The following RNF215 variants were observed in gnomAD, a reference collection of about 807,000 sequenced individuals.
The protein encoded by RNF215 is ring finger protein 215.
RNF215 carries 41 observed loss-of-function variants against 44.8 expected under a neutral mutation model. The observed-to-expected ratio is 0.92, with a 90% CI of 0.71 to 1.19. The LOEUF is 1.19. Ranked by LOEUF, RNF215 falls within the 50% of genes most tolerant of loss-of-function variation. The pLI, the probability that RNF215 is intolerant of heterozygous loss-of-function variation, is 0.00. For synonymous variants in RNF215, 218 were observed against 230.1 expected (o/e 0.95, Z 0.48); for missense variants, 452 against 496.2 (o/e 0.91, Z 0.85).
In RNF215 at chr22:30,381,642, G is replaced by A. The variant is rs989739755; in HGVS notation, c.745-1241C>T. 3.9e-5 allele frequency among the ~76,000 whole-genome samples: 6 copies of A among 152,202 alleles called. No homozygotes were observed. The South Asian group carries it at 6.2e-4, about 16-fold the overall frequency. The stretch of plus-strand genomic sequence containing the variant: ...TCTGCCATCGTGTTCTTCCCCGACC[G>A]ATGCTGAAGCTCATCTACCGTCATG... On this transcript the variant is annotated intron_variant, in intron 5 of 8. Transcript: ENST00000382363.
At chr22:30,386,285 G>A (rs1720815193) in intron 2 of RNF215, 144 bp from the exon 3 acceptor site, 1 of 788,822 alleles carries the variant, frequency 1.3e-6, no homozygotes. Context: ...TGAGGTCAAA[G>A]GTGGAAACTG....
At chr22:30,381,842 TC>T (rs1933533601) in intron 5 of RNF215, among the ~76,000 whole-genome samples, 1 of 152,178 alleles carries the variant, frequency 6.6e-6, no homozygotes, top group African/African-American at 2.4e-5. Flanking sequence ...TCTTCTCTCC[TC>T]CAGCTGCAGC....
chr22:30,380,480 CAG>C lies in RNF215; in HGVS notation c.745-81_745-80del. The C allele has an allele frequency of 6.6e-7, 1 of 1,507,108 alleles. No homozygotes were observed. Among genetic ancestry groups the C allele is most frequent in the Non-Finnish European group, 8.9e-7 (1 of 1,125,140 alleles). 93.4% of individuals were successfully genotyped at this position (1,507,108 alleles called of 1,614,324 possible). A position where few individuals can be genotyped will look rare whatever the true frequency, so the allele number is the denominator to read the frequency against. Reference sequence around the variant, plus strand: ...TAGGAACATCTACCCCCAGGAACGCCAGGGAGCAGGCAGGTGAGGTATGCTGA... The same window carrying C: ...TAGGAACATCTACCCCCAGGAACGCCGGAGCAGGCAGGTGAGGTATGCTGA... On this transcript the variant is annotated intron_variant, in intron 5 of 8. Coordinates refer to ENST00000382363, the MANE Select transcript of RNF215 (RefSeq NM_001017981.2). This position sits in a 1 kb window ranked among gnomAD's most constrained non-coding sequence, Gnocchi z 5.3.
chr22:30,385,283 A>G (rs890849612), intron 4 of RNF215, among the ~76,000 whole-genome samples: 1 of 151,784 alleles, frequency 6.6e-6, no homozygotes, highest in Non-Finnish European at 1.5e-5. Flanking sequence ...TTAGCCGGGC[A>G]TGGTGGTGGG....
Position 30,380,174 on chromosome 22 carries a change from C to G in RNF215, c.896G>C (p.Arg299Thr). The G allele has an allele frequency of 6.2e-7, 1 of 1,613,890 alleles. No individual in the cohort carries two copies. The highest frequency in any genetic ancestry group is 2.2e-5 in the East Asian group (1 of 44,872). ...VDLFKRRVVR[R>T]LASLKTRRCR... ...GCGCCGTGTCTTGAGGGATGCCAGT[C>G]TCCGCACCACGCGGCGCTTAAACAG... Residue 299 changes from arginine to threonine, a missense_variant, in exon 7 of 9, where the codon AGA becomes ACA. Physicochemically the swap from Arg to Thr is moderately conservative, Grantham distance 71. Transcript: ENST00000382363. This position sits in a 1 kb window ranked among gnomAD's most constrained non-coding sequence, Gnocchi z 5.3.
chr22:30,387,368 G>A lies in RNF215; in HGVS notation c.-55C>T, dbSNP rs956660451. 41 of 1,027,778 alleles carry A rather than the reference G, an allele frequency of 4.0e-5. 1 individual carries two copies. The highest frequency in any genetic ancestry group is 4.5e-5 in the South Asian group (1 of 22,392). The allele number at this position is 1,027,778 out of a possible 1,614,324, so 63.7% of individuals were successfully genotyped here. A position where few individuals can be genotyped will look rare whatever the true frequency, so the allele number is the denominator to read the frequency against. On this transcript the variant is annotated 5_prime_UTR_variant, in exon 1 of 9. Transcript: ENST00000382363. ...GGGGCCAGGGGTCCCGGGCGCGGGG[G>A]GGATCGGAGGGAGCGAGGCCGCTGC...
Position 30,379,233 on chromosome 22 carries a change from T to A in RNF215, c.*367A>T. ...CACTGTAGTCTCAGCCCCCAGGAAT[T>A]CCCAGACAGGCCACAGGGAGCTCCC... On this transcript the variant is annotated 3_prime_UTR_variant, in exon 9 of 9. Transcript: ENST00000382363. 1 of 275,828 alleles carries A rather than the reference T, an allele frequency of 3.6e-6. No homozygotes were observed. The highest frequency in any genetic ancestry group is 7.0e-6 in the Non-Finnish European group (1 of 142,844). 17.1% of individuals were successfully genotyped at this position (275,828 alleles called of 1,614,324 possible). A position where few individuals can be genotyped will look rare whatever the true frequency, so the allele number is the denominator to read the frequency against.
chr22:30,381,503 C>A (rs997459238), intron 5 of RNF215, among the ~76,000 whole-genome samples: 3 of 152,162 alleles, frequency 2.0e-5, no homozygotes, highest in East Asian at 3.9e-4. Flanking sequence ...GATGGCGCAG[C>A]GGAGTAAGCA....
rs567963097 is a variant in RNF215 at position 30,380,092 on chromosome 22, C to T, written c.978G>A (p.Ala326=). The change falls in exon 7 of 9, where the codon GCG becomes GCA. Residue 326 remains alanine, a synonymous_variant. Coordinates refer to ENST00000382363, the MANE Select transcript of RNF215 (RefSeq NM_001017981.2). This position sits in a 1 kb window ranked among gnomAD's most constrained non-coding sequence, Gnocchi z 5.3. ...GLPDPGAETC[A]VCLDYFCNKQ... ...TGTTGCAGAAGTAGTCCAGGCACAC[C>T]GCACAGGTCTCAGCACCCGGATCTG... 13 of 1,613,872 alleles carry T rather than the reference C, an allele frequency of 8.1e-6. No homozygotes were observed. The highest frequency in any genetic ancestry group is 2.2e-5 in the East Asian group (1 of 44,876).
chr22:30,385,689 G>C (rs1279766440), intron 4 of RNF215, among the ~76,000 whole-genome samples: 1 of 151,550 alleles, frequency 6.6e-6, no homozygotes, highest in Non-Finnish European at 1.5e-5. Flanking sequence ...GGAGACTGAG[G>C]CAGGAGAATC....
At chr22:30,385,742 G>A (rs576212487) in intron 4 of RNF215, among the ~76,000 whole-genome samples, 162 bp downstream of exon 4, 18 of 149,744 alleles carry the variant, frequency 1.2e-4, no homozygotes, top group Admixed American at 1.0e-3. Flanking sequence ...CCGAGATTGC[G>A]CCACTGCACT....
At position 30,380,347 on chromosome 22, in the gene RNF215, T is replaced by C. The variant is rs1219212732; in HGVS notation, c.799A>G (p.Thr267Ala). The C allele has an allele frequency of 1.2e-6, 2 of 1,610,948 alleles. No individual in the cohort carries two copies. Among genetic ancestry groups the C allele is most frequent in the Non-Finnish European group, 1.7e-6 (2 of 1,178,226 alleles). Residue 267 changes from threonine to alanine, a missense_variant, in exon 6 of 9, where the codon ACA (threonine) becomes GCA (alanine). Coordinates refer to ENST00000382363, the MANE Select transcript of RNF215 (RefSeq NM_001017981.2). This position sits in a 1 kb window ranked among gnomAD's most constrained non-coding sequence, Gnocchi z 5.3. ...AILLVAMLLC[T>A]GLVVQAQRQA... ...CGCTGGGCCTGGACCACGAGGCCTG[T>C]GCACAGGAGCATGGCCACCAGCAGG...
At chr22:30,383,735 T>C (rs1601758932) in intron 5 of RNF215, among the ~76,000 whole-genome samples, 1 of 152,098 alleles carries the variant, frequency 6.6e-6, no homozygotes, top group Admixed American at 6.5e-5. Flanking sequence ...CCTCATCACA[T>C]GCAGGATGGG....
rs12171261 is a variant in RNF215 at position 30,386,742 on chromosome 22, G to T, written c.303C>A (p.Ala101=). 1 of 1,606,170 alleles carries T rather than the reference G, an allele frequency of 6.2e-7. No individual in the cohort carries two copies. Among genetic ancestry groups the T allele is most frequent in the Admixed American group, 1.7e-5 (1 of 59,960 alleles). Residue 101 remains alanine (A), a synonymous_variant, in exon 2 of 9, where the codon GCC becomes GCA. Transcript: ENST00000382363. ...GRLLLMDIVD[A]EQEAPVEGWI... is the part of the protein sequence containing the mutation. The stretch of plus-strand genomic sequence containing the variant: ...AGCCTTCCACTGGTGCCTCCTGCTC[G>T]GCATCCACGATGTCCATCTGTGTGG...
chr22:30,381,540 G>A (rs722298), intron 5 of RNF215, among the ~76,000 whole-genome samples: 83,421 of 152,082 alleles, frequency 0.55, 23,810 homozygotes, highest in South Asian at 0.78. Context: ...CTCCAGGTGC[G>A]CCTCTGCACA....
rs1463298935 is a variant in RNF215, at chr22:30,380,333, G to C, written c.813C>G (p.Val271=). 1.2e-6 allele frequency: 2 copies of C among 1,611,722 alleles called. No homozygotes were observed. Among genetic ancestry groups the C allele is most frequent in the African/African-American group, 2.7e-5 (2 of 74,862 alleles). The change falls in exon 6 of 9, where the codon GTC becomes GTG. Residue 271 remains valine, a synonymous_variant. Coordinates refer to ENST00000382363, the MANE Select transcript of RNF215 (RefSeq NM_001017981.2). This position sits in a 1 kb window ranked among gnomAD's most constrained non-coding sequence, Gnocchi z 5.3. ...GCCGCGACGCCTGCCGCTGGGCCTG[G>C]ACCACGAGGCCTGTGCACAGGAGCA... The part of the protein sequence containing the change: ...VAMLLCTGLV[V]QAQRQASRQS...
chr22:30,379,798 G>T lies in RNF215; in HGVS notation c.1024C>A (p.Pro342Thr). The change falls in exon 8 of 9, where the codon CCC becomes ACC. Residue 342 changes from proline (P) to threonine (T), a missense_variant. Transcript: ENST00000382363. ...TCTCGGTGAAACTCGTGCTTACAGG[G>T]CAGCACCCGGAGCCACTACAGGGGT... ...FCNKQWLRVL[P>T]CKHEFHRDCV... 6.4e-7 allele frequency: 1 copy of T among 1,570,382 alleles called. No individual in the cohort carries two copies. Among genetic ancestry groups the T allele is most frequent in the African/African-American group, 1.3e-5 (1 of 74,190 alleles).
At position 30,380,117 on chromosome 22, in the gene RNF215, G is replaced by A. The variant is rs139785680; in HGVS notation, c.953C>T (p.Pro318Leu). ...CGCACAGGTCTCAGCACCCGGATCT[G>A]GGAGGCCCTGCGCTGCCCTGCTCAG... ...CRLSRAAQGL[P>L]DPGAETCAVC... Residue 318 changes from proline to leucine, a missense_variant, in exon 7 of 9, where the codon CCA (proline) becomes CTA (leucine). Physicochemically the swap from Pro to Leu is moderately conservative, Grantham distance 98 (BLOSUM62 -3). Coordinates refer to ENST00000382363, the MANE Select transcript of RNF215 (RefSeq NM_001017981.2). This position sits in a 1 kb window ranked among gnomAD's most constrained non-coding sequence, Gnocchi z 5.3. 1 of 1,613,908 alleles carries A rather than the reference G, an allele frequency of 6.2e-7. No individual in the cohort carries two copies. The highest frequency in any genetic ancestry group is 1.1e-5 in the South Asian group (1 of 91,078).
In RNF215 at chr22:30,386,700, G is replaced by A. The variant is rs138508585; in HGVS notation, c.345C>T (p.Tyr115=). ...ACTGGGCCGCCTGCTCCTTGCCCAC[G>A]TATGCCACTGCAATCCAGCCTTCCA... The part of the protein sequence containing the change: ...APVEGWIAVA[Y]VGKEQAAQFH... The change falls in exon 2 of 9, where the codon TAC becomes TAT. Residue 115 remains tyrosine, a synonymous_variant. Transcript: ENST00000382363. 2 of 1,611,668 alleles carry A rather than the reference G, an allele frequency of 1.2e-6. No individual in the cohort carries two copies. Among genetic ancestry groups the A allele is most frequent in the Non-Finnish European group, 1.7e-6 (2 of 1,179,990 alleles).
Sources: gnomAD v4.1 joint callset for allele counts (sites outside exome capture counted in the v4.1 genomes callset) on GRCh38, gnomAD v4.1.1 for gene constraint, Gnocchi (gnomAD v3.1) non-coding constraint, MANE v1.5 for transcripts, NCBI Gene and HGNC (gene_info 2026-07-23, HGNC 2026-07-21) for gene names.